The following PALM2AKAP2 variants were observed in gnomAD, a reference collection of about 807,000 sequenced individuals.
The protein encoded by PALM2AKAP2 is PALM2-AKAP2 fusion protein.
A neutral mutation model predicts 71.5 loss-of-function variants in PALM2AKAP2; 37 were observed. That is an observed-to-expected ratio of 0.52 (90% CI 0.40 to 0.68). The LOEUF (loss-of-function observed/expected upper bound fraction) is 0.68. PALM2AKAP2 is among the 30% of genes least tolerant of loss of function. The pLI is 0.00. For missense variants in PALM2AKAP2, 1,224 were observed against 1,191.8 expected (o/e 1.03, Z -0.40); for synonymous variants, 468 against 478.8 (o/e 0.98, Z 0.29).
chr9:109,858,582 G>A (rs1330463547), intron 1 of PALM2AKAP2, among the ~76,000 whole-genome samples: 1 of 152,122 alleles, frequency 6.6e-6, no homozygotes, highest in Non-Finnish European at 1.5e-5. Context: ...CTCTGCTCAC[G>A]AGACTTCATG....
intron 1 of PALM2AKAP2, among the ~76,000 whole-genome samples, chr9:109,728,731 A>AT (rs887977626): frequency 6.6e-6 from 1 of 151,878 alleles, no homozygotes. Flanking sequence ...AATAGTTCAA[A>AT]TTTTTTTTAT....
At chr9:110,142,737 T>C (rs1836065094) in intron 2 of PALM2AKAP2, among the ~76,000 whole-genome samples, 1 of 152,006 alleles carries the variant, frequency 6.6e-6, no homozygotes, top group South Asian at 2.1e-4. Context: ...CTTGGCACAT[T>C]TGAGATATTT....
rs918065270 is a variant in PALM2AKAP2 at position 110,098,089 on chromosome 9, G to A, written c.157-38038G>A. ...GGCAGGAGAATCAGGCAGGGAGGTT[G>A]CAGTGAGCCGAGATGGCAGCAGTAC... On this transcript the variant is annotated intron_variant, in intron 1 of 3. Coordinates refer to ENST00000374525, the Ensembl canonical transcript of PALM2AKAP2. 6.3e-5 allele frequency among the ~76,000 whole-genome samples: 9 copies of A among 143,200 alleles called. 1 individual carries two copies. Among genetic ancestry groups the A allele is most frequent in the African/African-American group, 2.5e-4 (9 of 35,808 alleles). The allele number at this position is 143,200 out of a possible 152,430, so 93.9% of individuals were successfully genotyped here.
intron 7 of PALM2AKAP2, among the ~76,000 whole-genome samples, chr9:110,034,958 G>A (rs1368189938): frequency 3.3e-5 from 5 of 151,598 alleles, no homozygotes; most frequent in Middle Eastern, 3.4e-3. Flanking sequence ...TTATGATTAC[G>A]GAGTTAAAGG....
chr9:110,043,716 G>GTTTTTTTTTTTTTTTT (rs61128628), upstream of PALM2AKAP2, among the ~76,000 whole-genome samples: 1 of 91,588 alleles, frequency 1.1e-5, no homozygotes, highest in African/African-American at 4.4e-5. Context: ...TTTTTTTGGT[G>GTTTTTTTTTTTTTTTT]TTTTTTTTTT....
In PALM2AKAP2 at chr9:110,029,735, T is replaced by G. The variant is rs369508160; in HGVS notation, c.582+13696T>G. Among the ~76,000 whole-genome samples the G allele has an allele frequency of 3.9e-5, 6 of 152,196 alleles. No homozygotes were observed. The East Asian group carries it at 1.2e-3, about 29-fold the overall frequency. On this transcript the variant is annotated intron_variant, in intron 7 of 9. Coordinates refer to the PALM2AKAP2 transcript ENST00000302798. ...CACGCAAACCAAACACAGAACCCAG[T>G]GACAGAAACTATTGGTCTTTAGTGC...
At chr9:109,769,278 A>G (rs1829217411) in intron 1 of PALM2AKAP2, among the ~76,000 whole-genome samples, 1 of 152,150 alleles carries the variant, frequency 6.6e-6, no homozygotes, top group Admixed American at 6.5e-5. Flanking sequence ...TGGGGGTGTT[A>G]CAATGTTTTT....
intron 6 of PALM2AKAP2, among the ~76,000 whole-genome samples, chr9:109,968,725 G>A (rs921236527): frequency 6.6e-6 from 1 of 152,238 alleles, no homozygotes; most frequent in East Asian, 1.9e-4. Context: ...AAGCCCTAAG[G>A]AGTCCAGCCG....
At chr9:110,056,202 T>G (rs1833836409) in intron 1 of PALM2AKAP2, among the ~76,000 whole-genome samples, 1 of 152,146 alleles carries the variant, frequency 6.6e-6, no homozygotes, top group South Asian at 2.1e-4. Context: ...CCAAACCACA[T>G]TTTCCTGGCA....
chr9:110,089,843 T>C (rs1385342992), intron 1 of PALM2AKAP2, among the ~76,000 whole-genome samples: 1 of 152,202 alleles, frequency 6.6e-6, no homozygotes, highest in Non-Finnish European at 1.5e-5. Flanking sequence ...AGCAGCCTTT[T>C]ACAGGAGGAG....
At chr9:109,746,892 T>G (rs764592750) in intron 1 of PALM2AKAP2, among the ~76,000 whole-genome samples, 1 of 152,130 alleles carries the variant, frequency 6.6e-6, no homozygotes, top group Non-Finnish European at 1.5e-5. Flanking sequence ...TCTTGCTCTA[T>G]GAAGATTTTA....
chr9:110,064,149 A>T (rs521883), intron 1 of PALM2AKAP2, among the ~76,000 whole-genome samples: 1 of 152,046 alleles, frequency 6.6e-6, no homozygotes, highest in African/African-American at 2.4e-5. Flanking sequence ...AACTCTAGAA[A>T]AATCTTATCT....
intron 1 of PALM2AKAP2, among the ~76,000 whole-genome samples, chr9:109,771,313 A>C (rs1403401996): frequency 6.6e-6 from 1 of 152,210 alleles, no homozygotes; most frequent in Non-Finnish European, 1.5e-5. Flanking sequence ...GGGACTTGGA[A>C]AGTTAGAAGA....
intron 1 of PALM2AKAP2, among the ~76,000 whole-genome samples, chr9:109,691,887 T>C (rs796528347): frequency 1.5e-4 from 10 of 68,600 alleles, no homozygotes; most frequent in Admixed American, 4.5e-4. Flanking sequence ...CACACATATA[T>C]ATATATATAT....
intron 6 of PALM2AKAP2, among the ~76,000 whole-genome samples, chr9:109,947,917 A>G (rs1831547880): frequency 6.6e-6 from 1 of 152,236 alleles, no homozygotes; most frequent in African/African-American, 2.4e-5. Context: ...CAATTTCTTA[A>G]TCAAGGTATA....
chr9:109,975,750 C>A (rs938359705), intron 6 of PALM2AKAP2, among the ~76,000 whole-genome samples: 19 of 152,128 alleles, frequency 1.2e-4, no homozygotes, highest in Admixed American at 1.2e-3. Context: ...GGGCAGAGAA[C>A]CTGCAAAAAT....
At chr9:110,011,004 A>ATATATATAT (rs1451603143) in intron 6 of PALM2AKAP2, among the ~76,000 whole-genome samples, 1 of 97,178 alleles carries the variant, frequency 1.0e-5, no homozygotes, top group African/African-American at 5.6e-5. Flanking sequence ...CTCAAAAAAA[A>ATATATATAT]AAAAAAAAAA....
At chr9:110,110,343 G>C (rs1835218522) in intron 1 of PALM2AKAP2, among the ~76,000 whole-genome samples, 1 of 152,026 alleles carries the variant, frequency 6.6e-6, no homozygotes, top group Non-Finnish European at 1.5e-5. Flanking sequence ...CAGATCCCCA[G>C]AAAAAGTCTG....
rs896119011 is a variant in PALM2AKAP2 at position 110,133,270 on chromosome 9, G to A, written c.157-2857G>A. ...TCTTGGGAAATGGCTTTGGAGATAA[G>A]CCCCATCACTCCTTCCTCTGTGATT... On this transcript the variant is annotated intron_variant, in intron 1 of 3. Coordinates refer to ENST00000374525, the Ensembl canonical transcript of PALM2AKAP2. 5.3e-5 allele frequency among the ~76,000 whole-genome samples: 8 copies of A among 152,182 alleles called. No homozygotes were observed. In the East Asian group the frequency reaches 1.5e-3, roughly 29 times the overall value.
Sources: allele counts gnomAD v4.1 joint callset (sites outside exome capture counted in the v4.1 genomes callset), GRCh38; gene constraint gnomAD v4.1.1; transcripts MANE v1.5; gene names NCBI Gene and HGNC (gene_info 2026-07-23, HGNC 2026-07-21).